Variants in KIAA1549 observed in about 807,000 individuals in gnomAD.
KIAA1549 encodes UPF0606 protein KIAA1549.
Under a neutral mutation model 156.4 loss-of-function variants are expected in KIAA1549, and 70 were observed. The ratio of observed to expected loss-of-function variants is 0.45; its 90% CI spans 0.37 to 0.55. The LOEUF (loss-of-function observed/expected upper bound fraction) is 0.55. Ranked by LOEUF, KIAA1549 falls within the 20% of genes least tolerant of loss-of-function variation. The pLI is 0.00. For synonymous variants in KIAA1549, 1,103 were observed against 1,066.4 expected, an observed-to-expected ratio of 1.03 and a Z score of -0.67; for missense variants, 2,428 against 2,540.9, an observed-to-expected ratio of 0.96 and a Z score of 0.96.
Position 138,844,395 on chromosome 7 carries a change from C to G in KIAA1549, c.5374G>C (p.Ala1792Pro). ...TAGATCCCTCTGGCAGCAAATGGGG[C>G]TTCGGCGGAGGCCTGTGGCTGCTGA... The part of the protein sequence containing the change: ...DPQQPQASAE[A>P]PFAARGIYSE... Residue 1792 changes from alanine (A) to proline (P), a missense_variant, in exon 18 of 20, where the codon GCC (alanine) becomes CCC (proline). Ala to Pro is a conservative substitution (Grantham distance 27, BLOSUM62 -1). Coordinates refer to ENST00000422774, the MANE Select transcript of KIAA1549 (RefSeq NM_001164665.2). The G allele has an allele frequency of 6.2e-7, 1 of 1,609,062 alleles. No homozygotes were observed. Among genetic ancestry groups the G allele is most frequent in the Non-Finnish European group, 8.5e-7 (1 of 1,177,278 alleles).
chr7:138,924,183 TTTTTTTTTTTTC>T (rs1184607400), intron 1 of KIAA1549, among the ~76,000 whole-genome samples: 55 of 99,240 alleles, frequency 5.5e-4, no homozygotes, highest in Non-Finnish European at 1.6e-4. Flanking sequence ...TTTTCTTTTC[TTTTTTTTTTTTC>T]TTTTTTTTTT....
At chr7:138,970,144 A>G (rs1020903013) in intron 1 of KIAA1549, among the ~76,000 whole-genome samples, 11 of 152,088 alleles carry the variant, frequency 7.2e-5, no homozygotes, top group African/African-American at 2.7e-4. Flanking sequence ...TTTTGTACCT[A>G]TTAGCCATCC....
At chr7:138,922,384 G>C (rs1489125063) in intron 1 of KIAA1549, among the ~76,000 whole-genome samples, 1 of 151,952 alleles carries the variant, frequency 6.6e-6, no homozygotes, top group Non-Finnish European at 1.5e-5. Context: ...AAATACATAG[G>C]AAAGCAAAGT....
Position 138,917,979 on chromosome 7 carries a change from C to A in KIAA1549, c.1647G>T (p.Thr549=), listed in dbSNP as rs763061509. The change falls in exon 2 of 20, where the codon ACG becomes ACT. Residue 549 remains threonine, a synonymous_variant. Transcript: ENST00000422774. ...GSLSVAETQV[T]PSSVTTAFFS... ...AAAATGCAGTGGTCACGCTGGATGGCGTCACTTGGGTTTCAGCAACAGACA... is the reference window on the plus strand; with the variant it reads ...AAAATGCAGTGGTCACGCTGGATGGAGTCACTTGGGTTTCAGCAACAGACA... The A allele has an allele frequency of 6.3e-7, 1 of 1,593,584 alleles. No individual in the cohort carries two copies. Among genetic ancestry groups the A allele is most frequent in the Admixed American group, 1.8e-5 (1 of 55,830 alleles).
At chr7:138,894,564 C>T (rs1212033027) in intron 9 of KIAA1549, 38 bp from the exon 10 acceptor site, 10 of 1,599,884 alleles carry the variant, frequency 6.3e-6, no homozygotes, top group Admixed American at 3.3e-5. Context: ...ATAATTCCTT[C>T]TTCACTCATG....
chr7:138,889,895 C>A (rs146456376), intron 10 of KIAA1549, among the ~76,000 whole-genome samples: 131 of 152,308 alleles, frequency 8.6e-4, no homozygotes, highest in African/African-American at 3.1e-3. Context: ...CTTGCCAGAT[C>A]ACTTTTTCTA....
chr7:138,880,056 G>A (rs1584725898), intron 11 of KIAA1549, among the ~76,000 whole-genome samples: 2 of 152,326 alleles, frequency 1.3e-5, no homozygotes, highest in Non-Finnish European at 2.9e-5. Flanking sequence ...TCCTCAGGAT[G>A]CTAGAGTAGC....
rs1290137148 is a variant in KIAA1549 at position 138,833,824 on chromosome 7, C to G, written c.*4082G>C. The stretch of plus-strand genomic sequence containing the variant: ...TTGCCTCCCCCACACTGGAGTACTT[C>G]CTCTGTAGATCTTCACAGCCCTGGT... On this transcript the variant is annotated 3_prime_UTR_variant, in exon 20 of 20. Coordinates refer to ENST00000422774, the MANE Select transcript of KIAA1549 (RefSeq NM_001164665.2). 1 of 233,288 alleles carries G rather than the reference C, an allele frequency of 4.3e-6. No homozygotes were observed. The highest frequency in any genetic ancestry group is 8.5e-6 in the Non-Finnish European group (1 of 118,078). The allele number at this position is 233,288 out of a possible 1,614,324, so 14.5% of individuals were successfully genotyped here.
chr7:138,956,652 G>T (rs1306367305), intron 1 of KIAA1549, among the ~76,000 whole-genome samples: 1 of 152,118 alleles, frequency 6.6e-6, no homozygotes, highest in East Asian at 1.9e-4. Context: ...TGATTGTGAT[G>T]CCTCCTCAGC....
chr7:138,948,935 C>T (rs1002818569), intron 1 of KIAA1549, among the ~76,000 whole-genome samples: 1 of 151,918 alleles, frequency 6.6e-6, no homozygotes, highest in African/African-American at 2.4e-5. Flanking sequence ...AAACTCGCAA[C>T]CTCAGGTGAT....
chr7:138,974,313 C>T (rs1038964289), intron 1 of KIAA1549, among the ~76,000 whole-genome samples: 4 of 151,676 alleles, frequency 2.6e-5, no homozygotes, highest in Non-Finnish European at 4.4e-5. Context: ...TGGAGGGTGG[C>T]GGTGGTCCTT....
chr7:138,975,300 G>A (rs1271987434), intron 1 of KIAA1549, among the ~76,000 whole-genome samples: 1 of 152,190 alleles, frequency 6.6e-6, no homozygotes, highest in Admixed American at 6.5e-5. Flanking sequence ...GATGCAAGAG[G>A]GAAGAATAAA....
intron 16 of KIAA1549, among the ~76,000 whole-genome samples, chr7:138,853,920 G>C (rs1248665204): frequency 6.6e-6 from 1 of 152,160 alleles, no homozygotes; most frequent in African/African-American, 2.4e-5. Flanking sequence ...CAAAGTCTCA[G>C]GAGTTCTTAG....
At chr7:138,861,498 T>C (rs775103199) in intron 15 of KIAA1549, 42 bp from the exon 16 acceptor site, 196 of 1,504,822 alleles carry the variant, frequency 1.3e-4, no homozygotes, top group Non-Finnish European at 1.6e-4. Context: ...ACATGAGTTT[T>C]TGTGGCAACC....
intron 1 of KIAA1549, among the ~76,000 whole-genome samples, chr7:138,971,701 C>T (rs1195087508): frequency 6.6e-6 from 1 of 152,188 alleles, no homozygotes; most frequent in Non-Finnish European, 1.5e-5. Context: ...ACCTCAACCT[C>T]GAGAGGGCAA....
At chr7:138,911,894 G>A (rs536504654) in intron 3 of KIAA1549, among the ~76,000 whole-genome samples, 13 of 152,280 alleles carry the variant, frequency 8.5e-5, no homozygotes, top group South Asian at 2.1e-4. Flanking sequence ...CGTGGGGCGC[G>A]GTTCTGGTTC....
Position 138,918,906 on chromosome 7 carries a change from C to T in KIAA1549, c.720G>A (p.Glu240=). ...TCCTGCCAGGAGTTGGAACGATGCC[C>T]TCAGAGGTGCGAAAAGCTGACCGAA... ...HTFRSAFRTS[E]GIVPTPGRNL... The change falls in exon 2 of 20, where the codon GAG becomes GAA. Residue 240 remains glutamate (E), a synonymous_variant. Coordinates refer to ENST00000422774, the MANE Select transcript of KIAA1549 (RefSeq NM_001164665.2). This position sits in a 1 kb window ranked among gnomAD's most constrained non-coding sequence, Gnocchi z 4.2. 6.2e-7 allele frequency: 1 copy of T among 1,614,002 alleles called. No homozygotes were observed. The highest frequency in any genetic ancestry group is 8.5e-7 in the Non-Finnish European group (1 of 1,179,896).
chr7:138,867,881 G>A (rs1265831468), intron 15 of KIAA1549, 94 bp downstream of exon 15: 16 of 1,331,364 alleles, frequency 1.2e-5, no homozygotes, highest in East Asian at 4.8e-5. Context: ...CACACAGGGC[G>A]GCAGCCAGTG....
rs759848796 is a variant in KIAA1549 at position 138,871,189 on chromosome 7, G to T, written c.4519C>A (p.Arg1507=). The T allele has an allele frequency of 5.6e-6, 9 of 1,613,084 alleles. No homozygotes were observed. Residue 1507 remains arginine, a synonymous_variant, in exon 13 of 20, where the codon CGA becomes AGA. Transcript: ENST00000422774. ...PPVQRPSPAD[R]VAESNKINKE... The stretch of plus-strand genomic sequence containing the variant: ...TTGATTTTATTGCTTTCCGCCACTC[G>T]GTCGGCTGGGGAGGGGCGCTGGACG...
Sources: gnomAD v4.1 joint callset for allele counts (sites outside exome capture counted in the v4.1 genomes callset) on GRCh38, gnomAD v4.1.1 for gene constraint, Gnocchi (gnomAD v3.1) non-coding constraint, MANE v1.5 for transcripts, NCBI Gene and HGNC (gene_info 2026-07-23, HGNC 2026-07-21) for gene names.